EXOC6B: variants seen among roughly 807,000 people sequenced by gnomAD.
EXOC6B encodes SEC15 homolog B.
A neutral mutation model predicts 113.5 loss-of-function variants in EXOC6B; 54 were observed. That is an observed-to-expected ratio of 0.48 (90% CI 0.38 to 0.60). The LOEUF (loss-of-function observed/expected upper bound fraction) is 0.60. Ranked by LOEUF, EXOC6B falls within the 20% of genes least tolerant of loss-of-function variation. The probability of loss-of-function intolerance (pLI) is 0.00; values close to 1 mark genes in which losing one functional copy is unlikely to be tolerated. For synonymous variants in EXOC6B, 357 were observed against 339.0 expected, an observed-to-expected ratio of 1.05 and a Z score of -0.58; for missense variants, 797 against 977.5, an observed-to-expected ratio of 0.82 and a Z score of 2.46.
chr2:72,224,615 C>A (rs965010800), intron 20 of EXOC6B, among the ~76,000 whole-genome samples: 2 of 151,670 alleles, frequency 1.3e-5, no homozygotes, highest in African/African-American at 4.9e-5. Flanking sequence ...TTTCAAAAAG[C>A]ATATTGAGAA....
At chr2:72,816,599 A>G (rs1014643072) in intron 1 of EXOC6B, among the ~76,000 whole-genome samples, 1 of 152,214 alleles carries the variant, frequency 6.6e-6, no homozygotes, top group African/African-American at 2.4e-5. Flanking sequence ...CTTTTTAAAT[A>G]AAATATTTCA....
intron 1 of EXOC6B, among the ~76,000 whole-genome samples, chr2:72,791,865 T>A (rs1437829434): frequency 1.3e-5 from 2 of 152,224 alleles, no homozygotes; most frequent in Non-Finnish European, 2.9e-5. Flanking sequence ...TGAAATATAA[T>A]TCAGCAGCCA....
intron 6 of EXOC6B, among the ~76,000 whole-genome samples, chr2:72,616,000 A>T (rs1002812833): frequency 4.6e-5 from 7 of 152,122 alleles, no homozygotes; most frequent in Admixed American, 1.3e-4. Context: ...ATAAACACAA[A>T]TTTTAAAAAT....
At chr2:72,430,689 T>C (rs1423050171) in intron 18 of EXOC6B, among the ~76,000 whole-genome samples, 2 of 152,182 alleles carry the variant, frequency 1.3e-5, no homozygotes, top group Non-Finnish European at 2.9e-5. Flanking sequence ...TAAAAATTCA[T>C]ATCAGAGAAG....
intron 19 of EXOC6B, among the ~76,000 whole-genome samples, chr2:72,352,782 T>C (rs548881812): frequency 6.6e-6 from 1 of 151,412 alleles, no homozygotes; most frequent in Non-Finnish European, 1.5e-5. Context: ...AGGCAGTAGA[T>C]GGATTAAAAT....
intron 8 of EXOC6B, among the ~76,000 whole-genome samples, chr2:72,525,769 C>A (rs1348176841): frequency 6.6e-6 from 1 of 152,008 alleles, no homozygotes; most frequent in Non-Finnish European, 1.5e-5. Context: ...CCCCACCACC[C>A]CCAAATCCCA....
At chr2:72,659,421 C>G (rs1372553229) in intron 6 of EXOC6B, among the ~76,000 whole-genome samples, 1 of 152,074 alleles carries the variant, frequency 6.6e-6, no homozygotes, top group Non-Finnish European at 1.5e-5. Flanking sequence ...ACACTGAACT[C>G]CTACAATTTT....
At chr2:72,359,010 C>T (rs1339762294) in intron 19 of EXOC6B, among the ~76,000 whole-genome samples, 1 of 152,272 alleles carries the variant, frequency 6.6e-6, no homozygotes, top group South Asian at 2.1e-4. Flanking sequence ...ATGGCGGGCA[C>T]TATGCTAAGT....
intron 19 of EXOC6B, among the ~76,000 whole-genome samples, chr2:72,365,783 G>A (rs1440439043): frequency 6.6e-6 from 1 of 152,098 alleles, no homozygotes; most frequent in African/African-American, 2.4e-5. Flanking sequence ...AGTCTTACAG[G>A]GATGACCATA....
At chr2:72,227,365 T>A (rs1166363525) in intron 20 of EXOC6B, among the ~76,000 whole-genome samples, 1 of 152,094 alleles carries the variant, frequency 6.6e-6, no homozygotes, top group Non-Finnish European at 1.5e-5. Context: ...AAAGGGTCAC[T>A]ACACACTAGT....
chr2:72,248,667 G>C (rs1257589743), intron 20 of EXOC6B, among the ~76,000 whole-genome samples: 1 of 152,124 alleles, frequency 6.6e-6, no homozygotes, highest in African/African-American at 2.4e-5. Context: ...CAGAGTAAAT[G>C]CTCGGTAAGT....
intron 16 of EXOC6B, among the ~76,000 whole-genome samples, chr2:72,486,428 T>C (rs1407889579): frequency 2.0e-5 from 3 of 152,014 alleles, no homozygotes; most frequent in Admixed American, 6.6e-5. Context: ...CTTTAATTCA[T>C]GTACACTAGT....
At chr2:72,469,896 A>G (rs1004975046) in intron 17 of EXOC6B, among the ~76,000 whole-genome samples, 1 of 152,140 alleles carries the variant, frequency 6.6e-6, no homozygotes, top group African/African-American at 2.4e-5. Context: ...AGATTTTAGT[A>G]TCTTTCAAAA....
chr2:72,825,916 G>A lies in EXOC6B; in HGVS notation c.-6C>T, dbSNP rs528707361. The A allele has an allele frequency of 2.4e-5, 38 of 1,611,392 alleles. No individual in the cohort carries two copies. The South Asian group carries it at 4.1e-4, about 17-fold the overall frequency. On this transcript the variant is annotated 5_prime_UTR_variant, in exon 1 of 22. Transcript: ENST00000272427. This position sits in a 1 kb window ranked among gnomAD's most constrained non-coding sequence, Gnocchi z 4.4. ...GCCATCTTACCCCGCTCCATAGACT[G>A]GGGGCGCCCCGCAGCGCGTCCCCTC...
chr2:72,441,451 A>G (rs1696194240), intron 18 of EXOC6B, among the ~76,000 whole-genome samples: 1 of 151,946 alleles, frequency 6.6e-6, no homozygotes, highest in Non-Finnish European at 1.5e-5. Flanking sequence ...TCAACAAATA[A>G]AGAAACTTTT....
At chr2:72,310,051 G>C (rs1037743833) in intron 20 of EXOC6B, among the ~76,000 whole-genome samples, 1 of 152,194 alleles carries the variant, frequency 6.6e-6, no homozygotes, top group Middle Eastern at 3.4e-3. Context: ...ATAGACATCT[G>C]GCTGGTTTCT....
intron 6 of EXOC6B, among the ~76,000 whole-genome samples, chr2:72,680,338 T>C (rs1274786981): frequency 1.3e-5 from 2 of 152,348 alleles, no homozygotes; most frequent in East Asian, 3.9e-4. Flanking sequence ...TATTTCCTAA[T>C]TTGTAAAATT....
chr2:72,283,581 T>C (rs1448960255), intron 20 of EXOC6B, among the ~76,000 whole-genome samples: 1 of 151,948 alleles, frequency 6.6e-6, no homozygotes, highest in Non-Finnish European at 1.5e-5. Flanking sequence ...GGGAGGGGCA[T>C]GATTTTGTGA....
At chr2:72,782,965 T>G (rs1684147214) in intron 1 of EXOC6B, among the ~76,000 whole-genome samples, 3 of 152,228 alleles carry the variant, frequency 2.0e-5, no homozygotes, top group South Asian at 4.1e-4. Flanking sequence ...GCTATGTTTT[T>G]TGCCCTGCAA....
Sources: gnomAD v4.1 joint callset for allele counts (sites outside exome capture counted in the v4.1 genomes callset) on GRCh38, gnomAD v4.1.1 for gene constraint, Gnocchi (gnomAD v3.1) non-coding constraint, MANE v1.5 for transcripts, NCBI Gene and HGNC (gene_info 2026-07-23, HGNC 2026-07-21) for gene names.